ZNF503: variants seen among roughly 807,000 people sequenced by gnomAD.
ZNF503 encodes NocA-like zinc finger 2.
A neutral mutation model predicts 34.4 loss-of-function variants in ZNF503; 15 were observed. The ratio of observed to expected loss-of-function variants is 0.44; its 90% confidence interval spans 0.29 to 0.67. ZNF503 has a LOEUF of 0.67. ZNF503 is among the 30% of genes least tolerant of loss of function. The pLI, the probability that ZNF503 is intolerant of heterozygous loss-of-function variation, is 0.13. For missense variants in ZNF503, 1,007 were observed against 926.8 expected, an observed-to-expected ratio of 1.09 and a Z score of -1.12; for synonymous variants, 580 against 456.8, an observed-to-expected ratio of 1.27 and a Z score of -3.44.
the ZNF503 span, among the ~76,000 whole-genome samples, chr10:75,363,216 A>G: frequency 6.6e-6 from 1 of 152,156 alleles, no homozygotes; most frequent in Non-Finnish European, 1.5e-5. Flanking sequence ...AGGCTTAGTC[A>G]CAGCCCCCAG....
chr10:75,313,598 C>T, the ZNF503 span, among the ~76,000 whole-genome samples: 2 of 152,214 alleles, frequency 1.3e-5, no homozygotes, highest in South Asian at 2.1e-4. Context: ...ACACTATGGA[C>T]CTTGTCAAGA....
chr10:75,377,262 C>A, the ZNF503 span, among the ~76,000 whole-genome samples: 1 of 152,206 alleles, frequency 6.6e-6, no homozygotes, highest in Admixed American at 6.5e-5. Flanking sequence ...GACAAGGTAA[C>A]CTCCAGGGCT....
chr10:75,363,287 C>G, the ZNF503 span, among the ~76,000 whole-genome samples: 24 of 152,252 alleles, frequency 1.6e-4, no homozygotes, highest in Non-Finnish European at 2.9e-4. Flanking sequence ...GTGGGTCTTT[C>G]TTGTCATCAG....
chr10:75,355,134 G>A, the ZNF503 span, among the ~76,000 whole-genome samples: 6 of 152,152 alleles, frequency 3.9e-5, no homozygotes, highest in African/African-American at 7.2e-5. Context: ...CATGAGCCAC[G>A]GTGCCCAGCC....
At chr10:75,393,844 G>A (rs1366100795), downstream of ZNF503, among the ~76,000 whole-genome samples, 1 of 151,976 alleles carries the variant, frequency 6.6e-6, no homozygotes, top group Admixed American at 6.6e-5. Context: ...GGGTGACAGA[G>A]CGAGACTCTG....
chr10:75,368,096 T>C, the ZNF503 span, among the ~76,000 whole-genome samples: 1 of 152,164 alleles, frequency 6.6e-6, no homozygotes, highest in African/African-American at 2.4e-5. Context: ...CTCAAATGAA[T>C]TTTGACCCCA....
chr10:75,294,318 A>G, the ZNF503 span, among the ~76,000 whole-genome samples: 7 of 152,170 alleles, frequency 4.6e-5, no homozygotes, highest in African/African-American at 1.7e-4. Flanking sequence ...GCACAAAGAA[A>G]AGGATCCCTT....
At position 75,398,937 on chromosome 10, in the gene ZNF503, C is replaced by T; in HGVS notation, c.1753G>A (p.Gly585Arg). The T allele has an allele frequency of 1.3e-6, 2 of 1,594,690 alleles. No individual in the cohort carries two copies. Among genetic ancestry groups the T allele is most frequent in the Non-Finnish European group, 1.7e-6 (2 of 1,173,962 alleles). The part of the protein sequence containing the change: ...IPTSGAPGSP[G>R]TLALRSPHHA... ...TGGGGGCTGCGCAGCGCCAGCGTCC[C>T]AGGGCTGCCCGGTGCGCCCGAGGTG... is the stretch of plus-strand genomic sequence containing the variant. Residue 585 changes from glycine (G) to arginine (R), a missense_variant, in exon 2 of 2, where the codon GGG (glycine) becomes AGG (arginine). Gly to Arg is a moderately radical substitution (Grantham distance 125). Coordinates refer to ENST00000372524, the MANE Select transcript of ZNF503 (RefSeq NM_032772.6).
chr10:75,353,196 G>A, the ZNF503 span, among the ~76,000 whole-genome samples: 1 of 152,252 alleles, frequency 6.6e-6, no homozygotes, highest in Non-Finnish European at 1.5e-5. Flanking sequence ...ATTGTTTACT[G>A]ATGTTCAGTT....
the ZNF503 span, among the ~76,000 whole-genome samples, chr10:75,388,964 A>G: frequency 6.6e-6 from 1 of 152,210 alleles, no homozygotes; most frequent in African/African-American, 2.4e-5. Context: ...CATTTCTGTA[A>G]AGAGGGGCCA....
the ZNF503 span, among the ~76,000 whole-genome samples, chr10:75,369,092 G>A: frequency 6.6e-6 from 1 of 152,166 alleles, no homozygotes; most frequent in African/African-American, 2.4e-5. Flanking sequence ...ACATTATTAA[G>A]TGGGGGGAAA....
chr10:75,325,635 G>A, the ZNF503 span, among the ~76,000 whole-genome samples: 1 of 152,070 alleles, frequency 6.6e-6, no homozygotes, highest in Admixed American at 6.6e-5. Context: ...GAATCAATTC[G>A]TTGTTAGTGA....
At chr10:75,332,970 C>T in the ZNF503 span, among the ~76,000 whole-genome samples, 905 of 144,984 alleles carry the variant, frequency 6.2e-3, 7 homozygotes, top group Middle Eastern at 0.022. Flanking sequence ...CATCCTGGCC[C>T]GTTCTCAATG....
chr10:75,371,070 T>C, the ZNF503 span, among the ~76,000 whole-genome samples: 1 of 152,148 alleles, frequency 6.6e-6, no homozygotes, highest in African/African-American at 2.4e-5. Flanking sequence ...TGTAAGAGAA[T>C]ATCTCACTGC....
chr10:75,393,784 G>T (rs1453491061), downstream of ZNF503, among the ~76,000 whole-genome samples: 1 of 152,002 alleles, frequency 6.6e-6, no homozygotes, highest in Non-Finnish European at 1.5e-5. Flanking sequence ...ACTTGAACCC[G>T]GGAGGCAGAG....
chr10:75,360,930 G>C, the ZNF503 span: 1 of 152,238 alleles, frequency 6.6e-6, no homozygotes, highest in Non-Finnish European at 1.5e-5. Flanking sequence ...GTTGAAGGTA[G>C]AGAGAGAGAC....
At chr10:75,380,401 G>A in the ZNF503 span, among the ~76,000 whole-genome samples, 3 of 152,182 alleles carry the variant, frequency 2.0e-5, no homozygotes, top group Non-Finnish European at 2.9e-5. Context: ...TACAGAGCTG[G>A]AGTTTGAACC....
In ZNF503 at chr10:75,401,586, A is replaced by T; in HGVS notation, c.-167T>A. The T allele has an allele frequency of 1.3e-6, 1 of 796,066 alleles. No homozygotes were observed. Among genetic ancestry groups the T allele is most frequent in the Non-Finnish European group, 2.0e-6 (1 of 506,414 alleles). The allele number at this position is 796,066 out of a possible 1,614,324, so 49.3% of individuals were successfully genotyped here. ...TTCTCGGCGCCTGGAGCCAGACGCG[A>T]GTAATCCTGGGTGGCCCGCAGCGGA... On this transcript the variant is annotated 5_prime_UTR_variant, in exon 1 of 2. Transcript: ENST00000372524.
the ZNF503 span, chr10:75,299,003 C>T: frequency 6.6e-6 from 1 of 151,652 alleles, no homozygotes; most frequent in South Asian, 2.1e-4. Context: ...GTGATCTAGG[C>T]TCACTGCAAC....
Sources: allele counts gnomAD v4.1 joint callset (sites outside exome capture counted in the v4.1 genomes callset), GRCh38; gene constraint gnomAD v4.1.1; transcripts MANE v1.5; gene names NCBI Gene and HGNC (gene_info 2026-07-23, HGNC 2026-07-21).